Variants in SYT6 observed in about 807,000 individuals in gnomAD.
The protein encoded by SYT6 is synaptotagmin-6.
SYT6 carries 24 observed loss-of-function variants against 38.4 expected under a neutral mutation model. The observed-to-expected ratio is 0.62, with a 90% CI of 0.45 to 0.88. The LOEUF is 0.88. Among genes scored for constraint, SYT6 ranks in the 40% least tolerant of loss-of-function variants. The pLI is 0.00. For synonymous variants in SYT6, 265 were observed against 241.9 expected (o/e 1.10, Z -0.89); for missense variants, 611 against 621.0 (o/e 0.98, Z 0.17).
At chr1:114,140,041 G>A in intron 1 of SYT6, 78 bp from the exon 2 acceptor site, 1 of 825,018 alleles carries the variant, frequency 1.2e-6, no homozygotes, top group Non-Finnish European at 1.8e-6. Context: ...TTGGAGGAGG[G>A]GGCACACGGA....
intron 1 of SYT6, among the ~76,000 whole-genome samples, chr1:114,143,137 T>C (rs1490678463): frequency 6.7e-6 from 1 of 149,756 alleles, no homozygotes; most frequent in African/African-American, 2.4e-5. Context: ...TTCACATATA[T>C]GTATATATAC....
chr1:114,140,133 C>G (rs890742949), intron 1 of SYT6, among the ~76,000 whole-genome samples, 170 bp from the exon 2 acceptor site: 2 of 152,070 alleles, frequency 1.3e-5, no homozygotes, highest in African/African-American at 2.4e-5. Context: ...AGGGTTGACT[C>G]TTGATTGTCC....
chr1:114,109,073 C>T (rs1676512904), intron 3 of SYT6, among the ~76,000 whole-genome samples: 1 of 152,166 alleles, frequency 6.6e-6, no homozygotes, highest in South Asian at 2.1e-4. Context: ...AGAAACCCCG[C>T]ATTGTAGGCC....
At chr1:114,126,810 G>A (rs964950727) in intron 3 of SYT6, among the ~76,000 whole-genome samples, 3 of 152,208 alleles carry the variant, frequency 2.0e-5, no homozygotes, top group African/African-American at 4.8e-5. Context: ...AGCAGGCTGC[G>A]AGCAGAGGGA....
At position 114,141,743 on chromosome 1, in the gene SYT6, A is replaced by G. The variant is rs535689455; in HGVS notation, c.164-1780T>C. Reference sequence around the variant, plus strand: ...GCCTGGCTTCAAAATTTCAAAGGACAGGCTGACTCTCTTTTTAGGGGCTAA... The same window carrying G: ...GCCTGGCTTCAAAATTTCAAAGGACGGGCTGACTCTCTTTTTAGGGGCTAA... On this transcript the variant is annotated intron_variant, in intron 1 of 7. Coordinates refer to ENST00000610222, the MANE Select transcript of SYT6 (RefSeq NM_001253772.2). 2.0e-5 allele frequency among the ~76,000 whole-genome samples: 3 copies of G among 152,350 alleles called. No individual in the cohort carries two copies. The East Asian group carries it at 5.8e-4, about 29-fold the overall frequency.
intron 3 of SYT6, among the ~76,000 whole-genome samples, chr1:114,105,589 C>A (rs1222328657): frequency 2.6e-5 from 4 of 152,166 alleles, no homozygotes; most frequent in Non-Finnish European, 5.9e-5. Flanking sequence ...GTGGCCTCCG[C>A]AGAGCCAGCC....
chr1:114,133,501 A>G (rs1039322075), intron 3 of SYT6, among the ~76,000 whole-genome samples: 1 of 152,244 alleles, frequency 6.6e-6, no homozygotes, highest in African/African-American at 2.4e-5. Context: ...AGGGAAGAGC[A>G]TGGTGATCTT....
At chr1:114,138,497 G>A (rs907003867) in intron 2 of SYT6, among the ~76,000 whole-genome samples, 4 of 152,210 alleles carry the variant, frequency 2.6e-5, no homozygotes, top group Admixed American at 2.0e-4. Flanking sequence ...TTTGCTATAC[G>A]GCAGGCAGCA....
intron 3 of SYT6, among the ~76,000 whole-genome samples, chr1:114,129,838 GTTTT>G (rs397949655): frequency 9.4e-6 from 1 of 106,688 alleles, no homozygotes; most frequent in African/African-American, 5.6e-5. Context: ...CACCACACCT[GTTTT>G]TTTTTTTTTT....
rs147711445 is a variant in SYT6 at position 114,129,425 on chromosome 1, G to A, written c.1071+8070C>T. Reference sequence around the variant, plus strand: ...ACCTCTCCCGCCTCTTACCTCTCCCGCCTCTTACCTCTCCCACTTCATCTT... The same window carrying A: ...ACCTCTCCCGCCTCTTACCTCTCCCACCTCTTACCTCTCCCACTTCATCTT... On this transcript the variant is annotated intron_variant, in intron 3 of 7. Transcript: ENST00000610222. Among the ~76,000 whole-genome samples, 521 of 148,966 alleles carry A rather than the reference G, an allele frequency of 3.5e-3. 4 individuals are homozygous for A. The highest frequency in any genetic ancestry group is 6.1e-3 in the African/African-American group (239 of 38,926).
rs72988629 is a variant in SYT6, at chr1:114,116,316, C to G, written c.1072-12595G>C. 5.9e-5 allele frequency among the ~76,000 whole-genome samples: 9 copies of G among 152,174 alleles called. 1 individual carries two copies. Among genetic ancestry groups the G allele is most frequent in the Non-Finnish European group, 1.3e-4 (9 of 68,036 alleles). Reference sequence around the variant, plus strand: ...AGCTAGGCCAGCAGGGGCAGAACCCCTGGGCCAAAATTCTTGTCCCCAACG... The same window carrying G: ...AGCTAGGCCAGCAGGGGCAGAACCCGTGGGCCAAAATTCTTGTCCCCAACG... On this transcript the variant is annotated intron_variant, in intron 3 of 7. Transcript: ENST00000610222.
chr1:114,100,861 C>G (rs1675928216), intron 4 of SYT6, among the ~76,000 whole-genome samples: 1 of 152,164 alleles, frequency 6.6e-6, no homozygotes, highest in Admixed American at 6.5e-5. Context: ...CCTTTTCTTG[C>G]AAAGTGGCTC....
chr1:114,117,046 G>A (rs1236608735), intron 3 of SYT6, among the ~76,000 whole-genome samples: 1 of 152,206 alleles, frequency 6.6e-6, no homozygotes, highest in Non-Finnish European at 1.5e-5. Context: ...AGAACCATGA[G>A]TCTGCTACAG....
At chr1:114,121,000 C>T (rs1677362292) in intron 3 of SYT6, among the ~76,000 whole-genome samples, 1 of 152,220 alleles carries the variant, frequency 6.6e-6, no homozygotes, top group South Asian at 2.1e-4. Flanking sequence ...TTGAAGCTGT[C>T]CCTACCGCCC....
intron 3 of SYT6, among the ~76,000 whole-genome samples, chr1:114,135,335 C>T (rs979266107): frequency 3.3e-5 from 5 of 152,138 alleles, no homozygotes; most frequent in African/African-American, 9.7e-5. Context: ...CCCAGAGGAT[C>T]GTATTTGCTG....
intron 3 of SYT6, among the ~76,000 whole-genome samples, chr1:114,129,620 T>TCTTTCTTTCTTTCTTTCTTTC (rs1678004287): frequency 1.6e-5 from 1 of 63,440 alleles, no homozygotes; most frequent in African/African-American, 5.3e-5. Flanking sequence ...TTCTTTCCTT[T>TCTTTCTTTCTTTCTTTCTTTC]CTTTCTTTCT....
Position 114,099,087 on chromosome 1 carries a change from T to A in SYT6, c.1364+7A>T. On this transcript the variant is annotated splice_region_variant and intron_variant, in intron 5 of 7. Coordinates refer to ENST00000610222, the MANE Select transcript of SYT6 (RefSeq NM_001253772.2). ...TAGAATTACGTCCCTCTAGGACGCC[T>A]ACCTACCGATCATAGTCCATGACTG... 3 of 1,610,028 alleles carry A rather than the reference T, an allele frequency of 1.9e-6. No homozygotes were observed. The highest frequency in any genetic ancestry group is 2.5e-6 in the Non-Finnish European group (3 of 1,177,748).
chr1:114,115,106 A>T (rs1676917539), intron 3 of SYT6, among the ~76,000 whole-genome samples: 1 of 152,246 alleles, frequency 6.6e-6, no homozygotes, highest in African/African-American at 2.4e-5. Flanking sequence ...ATCTCCAAGG[A>T]TGTGTTCCTG....
At chr1:114,131,760 A>AT (rs1196091816) in intron 3 of SYT6, among the ~76,000 whole-genome samples, 1 of 152,260 alleles carries the variant, frequency 6.6e-6, no homozygotes, top group Non-Finnish European at 1.5e-5. Flanking sequence ...TAAACTAAAA[A>AT]GAAACAATGT....
Sources: gnomAD v4.1 joint callset for allele counts (sites outside exome capture counted in the v4.1 genomes callset) on GRCh38, gnomAD v4.1.1 for gene constraint, MANE v1.5 for transcripts, NCBI Gene and HGNC (gene_info 2026-07-23, HGNC 2026-07-21) for gene names.